The following ARHGAP32 variants were observed in gnomAD, a reference collection of about 807,000 sequenced individuals.
The protein encoded by ARHGAP32 is rho GTPase-activating protein 32.
A neutral mutation model predicts 186.5 loss-of-function variants in ARHGAP32; 51 were observed. That is an observed-to-expected ratio of 0.27 (90% CI 0.22 to 0.35). The LOEUF is 0.35. ARHGAP32 is among the 10% of genes least tolerant of loss of function. The pLI is 1.00. For synonymous variants in ARHGAP32, 950 were observed against 964.3 expected (o/e 0.99, Z 0.27); for missense variants, 2,186 against 2,623.5 (o/e 0.83, Z 3.64).
intron 10 of ARHGAP32, 99 bp from the exon 11 acceptor site, chr11:129,041,108 C>A (rs2135022798): frequency 1.5e-6 from 1 of 682,718 alleles, no homozygotes; most frequent in East Asian, 2.9e-5. Context: ...ACAGTCCCTC[C>A]CAAATGATTC....
intron 5 of ARHGAP32, among the ~76,000 whole-genome samples, chr11:129,103,548 A>G (rs1941963143): frequency 6.6e-6 from 1 of 152,056 alleles, no homozygotes; most frequent in Non-Finnish European, 1.5e-5. Context: ...AAATCAAGAA[A>G]CTCAGTGCAC....
rs371103913 is a variant in ARHGAP32, at chr11:128,974,325, C to T, written c.2872G>A (p.Glu958Lys). The T allele has an allele frequency of 9.3e-6, 15 of 1,614,046 alleles. No individual in the cohort carries two copies. In the African/African-American group the frequency reaches 1.1e-4, roughly 11 times the overall value. The change falls in exon 21 of 23, where the codon GAA (glutamate) becomes AAA (lysine). Residue 958 changes from glutamate (E) to lysine (K), a missense_variant. Physicochemically the swap from Glu to Lys is moderately conservative, Grantham distance 56. Transcript: ENST00000682385. ...ASSSTWDKCV[E>K]ERDATNRSPT... ...GATCTATTTGTGGCATCCCTTTCTTCAACGCATTTGTCCCAGGTTGAAGAT... is the reference window on the plus strand; with the variant it reads ...GATCTATTTGTGGCATCCCTTTCTTTAACGCATTTGTCCCAGGTTGAAGAT...
In ARHGAP32 at chr11:128,970,358, G is replaced by A. The variant is rs1436489179; in HGVS notation, c.4855C>T (p.Pro1619Ser). 6.2e-7 allele frequency: 1 copy of A among 1,614,156 alleles called. No homozygotes were observed. The highest frequency in any genetic ancestry group is 8.5e-7 in the Non-Finnish European group (1 of 1,180,012). Residue 1619 changes from proline to serine, a missense_variant, in exon 23 of 23, where the codon CCC becomes TCC. By Grantham distance (74) the Pro-to-Ser change is moderately conservative. This residue lies in a region of ARHGAP32 where 1,502 missense variants were observed against 1,570.0 expected (regional missense o/e 0.96). Coordinates refer to ENST00000682385, the MANE Select transcript of ARHGAP32 (RefSeq NM_001378024.1). The surrounding 1 kb of genome is among the most constrained non-coding windows in gnomAD (Gnocchi z 5.8). The part of the protein sequence containing the change: ...RSVPISRTEV[P>S]PDDEPAYCPR... Reference sequence around the variant, plus strand: ...CAGTAGGCTGGCTCATCATCTGGGGGAACTTCTGTCCGTGAAATGGGAACA... The same window carrying A: ...CAGTAGGCTGGCTCATCATCTGGGGAAACTTCTGTCCGTGAAATGGGAACA...
At chr11:129,121,180 T>C (rs1942520041) in intron 5 of ARHGAP32, among the ~76,000 whole-genome samples, 2 of 149,090 alleles carry the variant, frequency 1.3e-5, no homozygotes, top group Non-Finnish European at 2.9e-5. Flanking sequence ...ATATGATTGT[T>C]TTTTTTTTCT....
chr11:129,231,226 T>C (rs998026911), intron 1 of ARHGAP32, among the ~76,000 whole-genome samples: 10 of 152,242 alleles, frequency 6.6e-5, no homozygotes, highest in African/African-American at 2.4e-4. Flanking sequence ...TGTTTGTTAT[T>C]GTTACGGTTT....
chr11:129,215,449 T>A (rs142665255), intron 1 of ARHGAP32, among the ~76,000 whole-genome samples: 1 of 152,200 alleles, frequency 6.6e-6, no homozygotes, highest in South Asian at 2.1e-4. Context: ...ACAACAGAAA[T>A]GTATTCTCTT....
rs765706435 is a variant in ARHGAP32, at chr11:128,985,989, C to G, written c.1526+14G>C. On this transcript the variant is annotated intron_variant, in intron 15 of 22. Transcript: ENST00000682385. ...ACTTCTACCTCTGCCTGGTATTTAC[C>G]CACTGTGGCTGACCTGTAGTGTGGT... 1.3e-6 allele frequency: 2 copies of G among 1,592,558 alleles called. No homozygotes were observed. Among genetic ancestry groups the G allele is most frequent in the Non-Finnish European group, 1.7e-6 (2 of 1,172,196 alleles).
intron 1 of ARHGAP32, among the ~76,000 whole-genome samples, chr11:129,273,561 A>C (rs1221711027): frequency 6.6e-6 from 1 of 152,170 alleles, no homozygotes; most frequent in Non-Finnish European, 1.5e-5. Context: ...TTCCTGTTAA[A>C]AGTTGCTTCA....
At chr11:129,193,618 TTATATAA>T (rs1944332137), upstream of ARHGAP32, among the ~76,000 whole-genome samples, 1 of 57,188 alleles carries the variant, frequency 1.7e-5, no homozygotes, top group African/African-American at 6.9e-5. Flanking sequence ...ATAATATATG[TTATATAA>T]TATATATAAT....
At chr11:129,207,566 G>T (rs1365672935) in intron 1 of ARHGAP32, among the ~76,000 whole-genome samples, 2 of 151,524 alleles carry the variant, frequency 1.3e-5, no homozygotes, top group African/African-American at 4.9e-5. Context: ...CATATCCTTT[G>T]GCCACTTTTT....
At chr11:129,267,111 CAGA>C (rs1222736164) in intron 1 of ARHGAP32, among the ~76,000 whole-genome samples, 3 of 152,138 alleles carry the variant, frequency 2.0e-5, no homozygotes, top group Non-Finnish European at 2.9e-5. Context: ...AAAACAAACT[CAGA>C]GTTGGGAGGC....
intron 17 of ARHGAP32, among the ~76,000 whole-genome samples, chr11:128,981,060 A>G (rs12146703): frequency 0.012 from 1,780 of 152,358 alleles, 10 homozygotes; most frequent in Non-Finnish European, 0.02. Flanking sequence ...AAACTCTTTA[A>G]TAACTGTTTT....
intron 1 of ARHGAP32, among the ~76,000 whole-genome samples, chr11:129,201,268 A>G (rs1323294682): frequency 6.6e-6 from 1 of 152,204 alleles, no homozygotes; most frequent in Admixed American, 6.5e-5. Flanking sequence ...AGCAAAGATT[A>G]TAAGTATACT....
At chr11:129,205,238 T>C (rs1045557916) in intron 1 of ARHGAP32, among the ~76,000 whole-genome samples, 15 of 152,166 alleles carry the variant, frequency 9.9e-5, no homozygotes, top group Non-Finnish European at 1.9e-4. Context: ...GAACAATGAA[T>C]ACAAAGTACA....
At chr11:129,028,462 T>C (rs1938961333) in intron 11 of ARHGAP32, among the ~76,000 whole-genome samples, 1 of 152,080 alleles carries the variant, frequency 6.6e-6, no homozygotes, top group Non-Finnish European at 1.5e-5. Context: ...ACACCTTCAA[T>C]TCTACACTGA....
At chr11:128,993,472 T>C (rs1029633629) in intron 12 of ARHGAP32, 21 of 151,730 alleles carry the variant, frequency 1.4e-4, no homozygotes, top group African/African-American at 5.1e-4. Context: ...TATATCAATA[T>C]TATATATACT....
At chr11:129,129,022 G>C (rs375069595) in intron 2 of ARHGAP32, among the ~76,000 whole-genome samples, 1 of 152,162 alleles carries the variant, frequency 6.6e-6, no homozygotes, top group Non-Finnish European at 1.5e-5. Context: ...GGGAAGTGAA[G>C]AGCGTCTCTG....
chr11:128,971,685 T>G (rs1945378727), intron 22 of ARHGAP32: 1 of 153,684 alleles, frequency 6.5e-6, no homozygotes, highest in Non-Finnish European at 1.4e-5. Flanking sequence ...TCCACCTTAG[T>G]CTGGCCAAAG....
intron 12 of ARHGAP32, among the ~76,000 whole-genome samples, chr11:128,993,518 AATAT>A (rs897056755): frequency 1.5e-4 from 23 of 151,814 alleles, no homozygotes; most frequent in African/African-American, 5.3e-4. Flanking sequence ...TTATGTATAT[AATAT>A]ATAATCATTT....
Sources: allele counts gnomAD v4.1 joint callset (sites outside exome capture counted in the v4.1 genomes callset), GRCh38; gene constraint gnomAD v4.1.1; regional missense constraint gnomAD v4.1.1; non-coding constraint Gnocchi (gnomAD v3.1); transcripts MANE v1.5; gene names NCBI Gene and HGNC (gene_info 2026-07-23, HGNC 2026-07-21).